ADK: variants seen among roughly 807,000 people sequenced by gnomAD.
ADK encodes the protein adenosine kinase.
A neutral mutation model predicts 44.7 loss-of-function variants in ADK; 24 were observed. The observed-to-expected ratio is 0.54, with a 90% CI of 0.39 to 0.76. The LOEUF is 0.76. Among genes scored for constraint, ADK ranks in the 30% least tolerant of loss-of-function variants. ADK has a pLI of 0.00. For synonymous variants in ADK, 128 were observed against 142.6 expected (o/e 0.90, Z 0.73); for missense variants, 321 against 425.1 (o/e 0.76, Z 2.15).
chr10:74,228,064 C>A (rs904110736), intron 3 of ADK, among the ~76,000 whole-genome samples: 2 of 152,050 alleles, frequency 1.3e-5, no homozygotes, highest in Non-Finnish European at 2.9e-5. Flanking sequence ...TTCTAATTAT[C>A]TTGATATTAA....
At chr10:74,552,337 TA>T (rs1300090438) in intron 7 of ADK, among the ~76,000 whole-genome samples, 3 of 152,208 alleles carry the variant, frequency 2.0e-5, no homozygotes, top group Non-Finnish European at 4.4e-5. Context: ...TTTGAGATTT[TA>T]AAACATTTTG....
intron 1 of ADK, among the ~76,000 whole-genome samples, chr10:74,178,943 A>G (rs114322453): frequency 7.5e-4 from 115 of 152,368 alleles, no homozygotes; most frequent in African/African-American, 2.7e-3. Context: ...AGTGCTCTGC[A>G]TGGTGCCTTT....
In ADK at chr10:74,472,427, T is replaced by A. The variant is rs146508126; in HGVS notation, c.556-52829T>A. Among the ~76,000 whole-genome samples, 399 of 152,308 alleles carry A rather than the reference T, an allele frequency of 2.6e-3. 2 individuals carry two copies. The highest frequency in any genetic ancestry group is 9.1e-3 in the African/African-American group (379 of 41,580). On this transcript the variant is annotated intron_variant, in intron 6 of 10. Transcript: ENST00000539909. ...CAATAGAGATGTCATCTAGTTGTGA[T>A]GTCTGATAAGATTCTTCTTTCTGTA...
chr10:74,418,013 A>G (rs573041975), intron 6 of ADK, among the ~76,000 whole-genome samples: 3 of 152,230 alleles, frequency 2.0e-5, no homozygotes, highest in African/African-American at 7.2e-5. Context: ...TTTTTGCCTT[A>G]AGTAGGAAAG....
chr10:74,676,851 T>C (rs1330180134), intron 10 of ADK, among the ~76,000 whole-genome samples: 1 of 152,166 alleles, frequency 6.6e-6, no homozygotes, highest in Non-Finnish European at 1.5e-5. Context: ...GTATTACCCT[T>C]AAAAATATTA....
chr10:74,438,425 T>A (rs1845265581), intron 6 of ADK, among the ~76,000 whole-genome samples: 1 of 150,828 alleles, frequency 6.6e-6, no homozygotes. Flanking sequence ...AGAGATGGGG[T>A]TTTACCGTGT....
At chr10:74,585,294 A>G (rs1199957823) in intron 7 of ADK, among the ~76,000 whole-genome samples, 1 of 152,178 alleles carries the variant, frequency 6.6e-6, no homozygotes, top group Non-Finnish European at 1.5e-5. Flanking sequence ...TTTATTCACA[A>G]CACTCAATTC....
In ADK at chr10:74,708,397, A is replaced by G; in HGVS notation, c.1041A>G (p.Ile347Met). 6.2e-7 allele frequency: 1 copy of G among 1,612,850 alleles called. No homozygotes were observed. Among genetic ancestry groups the G allele is most frequent in the Non-Finnish European group, 8.5e-7 (1 of 1,179,666 alleles). The change falls in exon 11 of 11, where the codon ATA (isoleucine) becomes ATG (methionine). Residue 347 changes from isoleucine to methionine, a missense_variant. By Grantham distance (10) the Ile-to-Met change is conservative (BLOSUM62 1). Transcript: ENST00000539909. The part of the protein sequence containing the change: ...IRAGHYAASI[I>M]IRRTGCTFPE... The stretch of plus-strand genomic sequence containing the variant: ...CTGGCCACTATGCAGCAAGCATCAT[A>G]ATTAGACGGACTGGCTGCACCTTTC...
At chr10:74,241,527 A>T (rs974228571) in intron 3 of ADK, among the ~76,000 whole-genome samples, 11 of 152,162 alleles carry the variant, frequency 7.2e-5, no homozygotes, top group African/African-American at 2.7e-4. Flanking sequence ...CTGGGACTAC[A>T]GGCACACGCT....
chr10:74,611,481 G>A (rs1282755299), intron 9 of ADK, among the ~76,000 whole-genome samples: 1 of 151,070 alleles, frequency 6.6e-6, no homozygotes, highest in Admixed American at 6.6e-5. Context: ...GGTAAATACA[G>A]TCCTACCTTT....
intron 1 of ADK, among the ~76,000 whole-genome samples, chr10:74,198,358 A>G (rs1309834478): frequency 1.3e-5 from 2 of 152,250 alleles, no homozygotes; most frequent in Admixed American, 1.3e-4. Context: ...CTTTAAATAG[A>G]AAAGGGACAA....
intron 6 of ADK, among the ~76,000 whole-genome samples, chr10:74,511,311 G>A (rs550932287): frequency 6.6e-6 from 1 of 152,202 alleles, no homozygotes; most frequent in South Asian, 2.1e-4. Flanking sequence ...CTCCAGCTTT[G>A]TTCTTTTTAC....
chr10:74,176,657 C>G (rs1486177084), intron 1 of ADK: 14 of 1,426,348 alleles, frequency 9.8e-6, no homozygotes, highest in Non-Finnish European at 1.3e-5. Flanking sequence ...TGGGGACGAT[C>G]TCCAGCCCTT....
rs771486279 is a variant in ADK, at chr10:74,318,444, G to A, written c.273+3699G>A. Among the ~76,000 whole-genome samples the A allele has an allele frequency of 3.9e-5, 6 of 152,246 alleles. No individual in the cohort carries two copies. In the East Asian group the frequency reaches 5.8e-4, roughly 15 times the overall value. On this transcript the variant is annotated intron_variant, in intron 4 of 10. Transcript: ENST00000539909. ...CCCAAAGTGCGAGGATTACAGGTGC[G>A]AACCATTTTACCTGGCTCAAATGGC...
At chr10:74,617,064 CAT>C (rs1852792777) in intron 9 of ADK, among the ~76,000 whole-genome samples, 3 of 152,152 alleles carry the variant, frequency 2.0e-5, no homozygotes, top group Admixed American at 6.5e-5. Context: ...ACTGCAATAA[CAT>C]ATCAGATAAT....
intron 9 of ADK, among the ~76,000 whole-genome samples, chr10:74,660,542 A>G (rs1044093222): frequency 1.3e-5 from 2 of 150,516 alleles, no homozygotes; most frequent in African/African-American, 4.9e-5. Context: ...GTTTGAGACC[A>G]GCCTGGGCAA....
intron 3 of ADK, among the ~76,000 whole-genome samples, chr10:74,258,793 T>C (rs1845921154): frequency 3.9e-5 from 6 of 152,182 alleles, no homozygotes; most frequent in Admixed American, 3.9e-4. Flanking sequence ...TCTTTAGATG[T>C]TAATAGCATA....
In ADK at chr10:74,709,048, T is replaced by A. The variant is rs1398992318; in HGVS notation, c.*603T>A. 1.3e-5 allele frequency: 2 copies of A among 153,124 alleles called. No homozygotes were observed. The highest frequency in any genetic ancestry group is 2.9e-5 in the Non-Finnish European group (2 of 68,694). The allele number at this position is 153,124 out of a possible 1,614,324, so 9.5% of individuals were successfully genotyped here. ...TAAATAATGTGCCAAATTTAAGTTG[T>A]ACCACAATATTCAAATCATAGTCTT... On this transcript the variant is annotated 3_prime_UTR_variant, in exon 11 of 11. Coordinates refer to ENST00000539909, the MANE Select transcript of ADK (RefSeq NM_006721.4).
chr10:74,686,914 G>A (rs10824219), intron 10 of ADK, among the ~76,000 whole-genome samples: 16,485 of 152,042 alleles, frequency 0.11, 1,457 homozygotes, highest in African/African-American at 0.23. Flanking sequence ...CTCACCTCGT[G>A]ATCCACCCGC....
Sources: gnomAD v4.1 joint callset for allele counts (sites outside exome capture counted in the v4.1 genomes callset) on GRCh38, gnomAD v4.1.1 for gene constraint, MANE v1.5 for transcripts, NCBI Gene and HGNC (gene_info 2026-07-23, HGNC 2026-07-21) for gene names.